Variants in MAGI2 observed in about 807,000 individuals in gnomAD.
MAGI2 encodes the protein membrane-associated guanylate kinase, WW and PDZ domain-containing protein 2.
MAGI2 carries 35 observed loss-of-function variants against 133.3 expected under a neutral mutation model. The observed-to-expected ratio is 0.26, with a 90% confidence interval of 0.20 to 0.35. MAGI2 has a LOEUF of 0.35. Among genes scored for constraint, MAGI2 ranks in the 10% least tolerant of loss-of-function variants. MAGI2 has a pLI of 1.00. For missense variants in MAGI2, 1,636 were observed against 1,863.4 expected (o/e 0.88, Z 2.25); for synonymous variants, 729 against 710.6 (o/e 1.03, Z -0.41).
chr7:78,063,473 C>T (rs1016045046), intron 21 of MAGI2, among the ~76,000 whole-genome samples: 1 of 152,138 alleles, frequency 6.6e-6, no homozygotes, highest in African/African-American at 2.4e-5. Context: ...ATCTTTTGGC[C>T]TCAAGCGATC....
Position 78,695,346 on chromosome 7 carries a change from A to G in MAGI2, c.419-68107T>C, listed in dbSNP as rs1363575078. On this transcript the variant is annotated intron_variant, in intron 2 of 21. Transcript: ENST00000354212. ...ATGCCTTTTCTAGGACTGAACAAGCACTGACAGTCACATTTACAATGCTTC... is the reference window on the plus strand; with the variant it reads ...ATGCCTTTTCTAGGACTGAACAAGCGCTGACAGTCACATTTACAATGCTTC... Among the ~76,000 whole-genome samples, 4 of 152,366 alleles carry G rather than the reference A, an allele frequency of 2.6e-5. No homozygotes were observed. In the South Asian group the frequency reaches 8.3e-4, roughly 32 times the overall value.
At chr7:78,033,487 A>G (rs1472055580) in intron 21 of MAGI2, among the ~76,000 whole-genome samples, 3 of 151,312 alleles carry the variant, frequency 2.0e-5, no homozygotes, top group African/African-American at 7.3e-5. Flanking sequence ...AAAAAAAAAA[A>G]AAAAAGAAAA....
In MAGI2 at chr7:78,982,080, T is replaced by C. The variant is rs200300843; in HGVS notation, c.418+25010A>G. ...TGTGAAGAATTAGGATCTCATCTTC[T>C]GGCGACGGGGCTTTAATTCAGATCC... On this transcript the variant is annotated intron_variant, in intron 2 of 21. Coordinates refer to ENST00000354212, the MANE Select transcript of MAGI2 (RefSeq NM_012301.4). Among the ~76,000 whole-genome samples the C allele has an allele frequency of 1.9e-3, 287 of 151,454 alleles. 1 individual carries two copies. The highest frequency in any genetic ancestry group is 6.8e-3 in the African/African-American group (280 of 40,984).
At chr7:78,906,414 C>T (rs1468836522) in intron 2 of MAGI2, among the ~76,000 whole-genome samples, 5 of 152,214 alleles carry the variant, frequency 3.3e-5, no homozygotes, top group Non-Finnish European at 1.5e-5. Context: ...TGAGGTCTCT[C>T]GTCTATCATC....
intron 21 of MAGI2, among the ~76,000 whole-genome samples, chr7:78,048,481 C>T (rs762235051): frequency 6.6e-6 from 1 of 152,042 alleles, no homozygotes; most frequent in Non-Finnish European, 1.5e-5. Flanking sequence ...CCGCCAATGC[C>T]CCCCTCCACC....
chr7:79,094,694 A>C (rs1281702907), intron 1 of MAGI2, among the ~76,000 whole-genome samples: 1 of 152,220 alleles, frequency 6.6e-6, no homozygotes, highest in African/African-American at 2.4e-5. Context: ...GCTGGCATGA[A>C]AACCCATTAA....
chr7:78,019,187 A>T lies in MAGI2; in HGVS notation c.*128T>A, dbSNP rs1392546967. On this transcript the variant is annotated 3_prime_UTR_variant, in exon 22 of 22. Transcript: ENST00000354212. Reference sequence around the variant, plus strand: ...ACCGGACACGTGGGACTTCACGTCGATGCTCCCAGGCCTTGGTGCCTCGTG... The same window carrying T: ...ACCGGACACGTGGGACTTCACGTCGTTGCTCCCAGGCCTTGGTGCCTCGTG... 1 of 1,127,700 alleles carries T rather than the reference A, an allele frequency of 8.9e-7. No homozygotes were observed. Among genetic ancestry groups the T allele is most frequent in the Non-Finnish European group, 1.2e-6 (1 of 801,478 alleles). 69.9% of individuals were successfully genotyped at this position (1,127,700 alleles called of 1,614,324 possible). A position where few individuals can be genotyped will look rare whatever the true frequency, so the allele number is the denominator to read the frequency against.
intron 2 of MAGI2, among the ~76,000 whole-genome samples, chr7:78,860,114 G>T (rs767415816): frequency 6.6e-6 from 1 of 152,076 alleles, no homozygotes; most frequent in African/African-American, 2.4e-5. Context: ...TCTTCTCTAC[G>T]CTGTTTATTC....
At chr7:78,395,437 A>T (rs924231056) in intron 6 of MAGI2, among the ~76,000 whole-genome samples, 2 of 152,178 alleles carry the variant, frequency 1.3e-5, no homozygotes, top group African/African-American at 4.8e-5. Context: ...TGGTTTCTTT[A>T]CCAGAATTCC....
intron 1 of MAGI2, among the ~76,000 whole-genome samples, chr7:79,097,585 C>A (rs936772868): frequency 2.0e-5 from 3 of 152,098 alleles, no homozygotes; most frequent in Non-Finnish European, 4.4e-5. Context: ...TAAATCAAAG[C>A]AGATAACAGA....
intron 1 of MAGI2, among the ~76,000 whole-genome samples, chr7:79,317,149 A>G (rs1423928847): frequency 1.3e-5 from 2 of 150,392 alleles, no homozygotes; most frequent in Non-Finnish European, 2.9e-5. Flanking sequence ...CAGCCTCCTG[A>G]GTAGCTAGGA....
chr7:79,201,042 G>A (rs1828566706), intron 1 of MAGI2, among the ~76,000 whole-genome samples: 1 of 151,966 alleles, frequency 6.6e-6, no homozygotes, highest in Non-Finnish European at 1.5e-5. Flanking sequence ...CTACAAGATA[G>A]TGCAATCAAC....
At chr7:78,434,420 T>C (rs866805892) in intron 6 of MAGI2, among the ~76,000 whole-genome samples, 2 of 152,150 alleles carry the variant, frequency 1.3e-5, no homozygotes, top group Non-Finnish European at 2.9e-5. Flanking sequence ...CTGGGATAAC[T>C]TGCAACAGAT....
At chr7:78,509,748 C>A (rs983217927) in intron 4 of MAGI2, among the ~76,000 whole-genome samples, 3 of 152,092 alleles carry the variant, frequency 2.0e-5, no homozygotes, top group Non-Finnish European at 2.9e-5. Context: ...AACCAGAAGC[C>A]AAGATAAAAC....
chr7:79,048,911 C>T (rs1812420481), intron 1 of MAGI2, among the ~76,000 whole-genome samples: 1 of 152,184 alleles, frequency 6.6e-6, no homozygotes, highest in Admixed American at 6.5e-5. Context: ...TCACTTGAAC[C>T]TGGGAGGCAG....
chr7:78,608,780 A>T (rs995338507), intron 3 of MAGI2, among the ~76,000 whole-genome samples: 1 of 152,194 alleles, frequency 6.6e-6, no homozygotes, highest in African/African-American at 2.4e-5. Context: ...TGGTACTGAA[A>T]TTGAGGGCAA....
intron 6 of MAGI2, among the ~76,000 whole-genome samples, chr7:78,371,007 T>C (rs1793854298): frequency 6.6e-6 from 1 of 151,938 alleles, no homozygotes; most frequent in African/African-American, 2.4e-5. Context: ...TTCTAGGTAC[T>C]AACTCATTTT....
chr7:78,587,289 C>T (rs1803526580), intron 3 of MAGI2, among the ~76,000 whole-genome samples: 1 of 152,008 alleles, frequency 6.6e-6, no homozygotes, highest in Non-Finnish European at 1.5e-5. Flanking sequence ...TAATAGTCAC[C>T]CTAATGGGTG....
intron 2 of MAGI2, among the ~76,000 whole-genome samples, chr7:78,991,478 T>C (rs1375598353): frequency 2.0e-5 from 3 of 151,922 alleles, no homozygotes; most frequent in African/African-American, 7.2e-5. Flanking sequence ...ATCTATCTTA[T>C]GTTCAGATAT....
Sources: gnomAD v4.1 joint callset for allele counts (sites outside exome capture counted in the v4.1 genomes callset) on GRCh38, gnomAD v4.1.1 for gene constraint, MANE v1.5 for transcripts, NCBI Gene and HGNC (gene_info 2026-07-23, HGNC 2026-07-21) for gene names.